Variants in RYR3 observed in about 807,000 individuals in gnomAD.
RYR3 encodes ryanodine receptor 3.
In RYR3, 207 loss-of-function variants were observed where a neutral mutation model predicts 584.3. The observed-to-expected ratio is 0.35, with a 90% CI of 0.32 to 0.40. The LOEUF is 0.40. Among genes scored for constraint, RYR3 ranks in the 10% least tolerant of loss-of-function variants. The pLI, the probability that RYR3 is intolerant of heterozygous loss-of-function variation, is 1.00. For missense variants in RYR3, 5,616 were observed against 6,089.2 expected, an observed-to-expected ratio of 0.92 and a Z score of 2.59; for synonymous variants, 2,416 against 2,248.5, an observed-to-expected ratio of 1.07 and a Z score of -2.11.
chr15:33,806,900 A>G lies in RYR3; in HGVS notation c.10012-655A>G, dbSNP rs148525828. On this transcript the variant is annotated intron_variant, in intron 69 of 103. Transcript: ENST00000634891. ...TCCCTAGTAGCTGGGACTATAACAC[A>G]CAACCCCACACCCAGCTGAATTTTT... Among the ~76,000 whole-genome samples, 1,466 of 151,036 alleles carry G rather than the reference A, an allele frequency of 9.7e-3. 25 individuals are homozygous for G. The highest frequency in any genetic ancestry group is 0.034 in the African/African-American group (1,412 of 41,104).
chr15:33,852,971 A>ATC, intron 94 of RYR3, 74 bp from the exon 95 acceptor site: 1 of 1,327,124 alleles, frequency 7.5e-7, no homozygotes, highest in Non-Finnish European at 1.1e-6. Context: ...CAGGCACTCA[A>ATC]ACTGAAACGT....
intron 43 of RYR3, among the ~76,000 whole-genome samples, chr15:33,714,054 T>A (rs1187911271): frequency 6.6e-6 from 1 of 152,118 alleles, no homozygotes; most frequent in East Asian, 1.9e-4. Flanking sequence ...AAGCTTAGAT[T>A]AAATACCTTG....
intron 1 of RYR3, among the ~76,000 whole-genome samples, chr15:33,328,114 T>C (rs932960893): frequency 3.3e-5 from 5 of 152,340 alleles, no homozygotes; most frequent in Admixed American, 2.0e-4. Context: ...GCATTTCACC[T>C]ATAGCATGTG....
intron 48 of RYR3, among the ~76,000 whole-genome samples, chr15:33,733,450 A>G (rs1005236059): frequency 3.9e-5 from 6 of 152,360 alleles, no homozygotes; most frequent in Non-Finnish European, 7.3e-5. Flanking sequence ...ATGAAAATAC[A>G]TAGAGGAACC....
Position 33,840,831 on chromosome 15 carries a change from G to C in RYR3, c.12985G>C (p.Glu4329Gln). The C allele has an allele frequency of 6.2e-7, 1 of 1,613,934 alleles. No homozygotes were observed. The highest frequency in any genetic ancestry group is 8.5e-7 in the Non-Finnish European group (1 of 1,179,850). The change falls in exon 90 of 104, where the codon GAA (glutamate) becomes CAA (glutamine). Residue 4329 changes from glutamate (E) to glutamine (Q), a missense_variant. By Grantham distance (29) the Glu-to-Gln change is conservative. Around this residue, in one of 9 missense-constraint regions of RYR3, gnomAD observed 918 missense variants for 887.4 expected, o/e 1.03. Coordinates refer to ENST00000634891, the MANE Select transcript of RYR3 (RefSeq NM_001036.6). ...VQKKRKAQAA[E>Q]MKAANEAEGK... ...AATTGTTATTTTTGTCTAGGCAGCA[G>C]AAATGAAAGCAGCAAATGAAGCAGA...
chr15:33,726,354 T>C lies in RYR3; in HGVS notation c.6913-32T>C, dbSNP rs747516286. 2.5e-6 allele frequency: 4 copies of C among 1,611,252 alleles called. No homozygotes were observed. In the South Asian group the frequency reaches 4.4e-5, roughly 18 times the overall value. On this transcript the variant is annotated intron_variant, in intron 45 of 103. Coordinates refer to ENST00000634891, the MANE Select transcript of RYR3 (RefSeq NM_001036.6). ...TGGAGGGAGGTGTGGGAACCTCACT[T>C]ATCTAATGTCATTCTCAACCCTATC...
At chr15:33,498,078 T>C (rs1301655101) in intron 2 of RYR3, among the ~76,000 whole-genome samples, 1 of 152,244 alleles carries the variant, frequency 6.6e-6, no homozygotes, top group Non-Finnish European at 1.5e-5. Flanking sequence ...TACTCCATTA[T>C]ACATATGTGC....
At chr15:33,598,402 A>T (rs1475245933) in intron 16 of RYR3, among the ~76,000 whole-genome samples, 2 of 133,602 alleles carry the variant, frequency 1.5e-5, no homozygotes, top group Admixed American at 7.6e-5. Context: ...GTTTTTTTTT[A>T]AATCTTATTA....
intron 55 of RYR3, among the ~76,000 whole-genome samples, chr15:33,749,330 T>C (rs1407573133): frequency 6.6e-6 from 1 of 152,154 alleles, no homozygotes; most frequent in African/African-American, 2.4e-5. Flanking sequence ...GGGTTGAAAC[T>C]GAAAGCCCTA....
At chr15:33,459,882 A>G (rs763701712) in intron 1 of RYR3, among the ~76,000 whole-genome samples, 32 of 152,244 alleles carry the variant, frequency 2.1e-4, no homozygotes, top group Admixed American at 3.3e-4. Context: ...AAAGCCAGAC[A>G]TGATTATATT....
At chr15:33,348,099 C>G (rs1972706093) in intron 1 of RYR3, among the ~76,000 whole-genome samples, 1 of 152,170 alleles carries the variant, frequency 6.6e-6, no homozygotes, top group African/African-American at 2.4e-5. Flanking sequence ...ATCTTCAACT[C>G]TATACATTAT....
chr15:33,411,312 A>C (rs1041378390), intron 1 of RYR3, among the ~76,000 whole-genome samples: 1 of 152,238 alleles, frequency 6.6e-6, no homozygotes, highest in Non-Finnish European at 1.5e-5. Flanking sequence ...ACCCTCAGCC[A>C]TCACTGACGT....
intron 36 of RYR3, among the ~76,000 whole-genome samples, chr15:33,664,238 G>A (rs543709142): frequency 6.6e-6 from 1 of 152,098 alleles, no homozygotes; most frequent in African/African-American, 2.4e-5. Flanking sequence ...GCTCCATGGA[G>A]CCTGGAGAAG....
At position 33,733,037 on chromosome 15, in the gene RYR3, G is replaced by T. The variant is rs1236407225; in HGVS notation, c.7424+1343G>T. On this transcript the variant is annotated intron_variant, in intron 48 of 103. Transcript: ENST00000634891. ...AACATCACACCAAAAGGTAATCTCA[G>T]CAATGAGATAGCACTACACACATAT... Among the ~76,000 whole-genome samples the T allele has an allele frequency of 2.0e-5, 3 of 152,180 alleles. No homozygotes were observed. In the East Asian group the frequency reaches 5.8e-4, roughly 29 times the overall value.
intron 1 of RYR3, among the ~76,000 whole-genome samples, chr15:33,351,914 A>G (rs948444813): frequency 2.6e-5 from 4 of 151,474 alleles, no homozygotes; most frequent in Non-Finnish European, 4.4e-5. Flanking sequence ...GGCCAGGGCG[A>G]TTAGGCAGGA....
chr15:33,548,048 C>A, intron 8 of RYR3, 82 bp from the exon 9 acceptor site: 1 of 940,004 alleles, frequency 1.1e-6, no homozygotes, highest in Non-Finnish European at 1.7e-6. Context: ...AGTACCTGAA[C>A]AGCCTCTGCA....
intron 3 of RYR3, among the ~76,000 whole-genome samples, chr15:33,519,174 G>A (rs1425860833): frequency 3.3e-5 from 5 of 152,112 alleles, no homozygotes; most frequent in Non-Finnish European, 5.9e-5. Flanking sequence ...CCTTTGATGT[G>A]GTAAAGACAG....
intron 36 of RYR3, among the ~76,000 whole-genome samples, chr15:33,667,791 C>T (rs1416579908): frequency 6.6e-6 from 1 of 152,090 alleles, no homozygotes; most frequent in Non-Finnish European, 1.5e-5. Context: ...AGGCCCGGCG[C>T]GGTGGCTCAT....
intron 1 of RYR3, among the ~76,000 whole-genome samples, chr15:33,368,603 T>C (rs1396778070): frequency 6.6e-6 from 1 of 152,104 alleles, no homozygotes; most frequent in Non-Finnish European, 1.5e-5. Context: ...TGGTGTTCAA[T>C]TCAGTGATAA....
Sources: allele counts gnomAD v4.1 joint callset (sites outside exome capture counted in the v4.1 genomes callset), GRCh38; gene constraint gnomAD v4.1.1; regional missense constraint gnomAD v4.1.1; transcripts MANE v1.5; gene names NCBI Gene and HGNC (gene_info 2026-07-23, HGNC 2026-07-21).